NALCN: variants seen among roughly 807,000 people sequenced by gnomAD.
The protein encoded by NALCN is sodium leak channel NALCN.
Under a neutral mutation model 225.3 loss-of-function variants are expected in NALCN, and 111 were observed. That is an observed-to-expected ratio of 0.49 (90% CI 0.42 to 0.58). NALCN has a LOEUF of 0.58. Ranked by LOEUF, NALCN falls within the 20% of genes least tolerant of loss-of-function variation. The pLI, the probability that NALCN is intolerant of heterozygous loss-of-function variation, is 0.00. For synonymous variants in NALCN, 764 were observed against 769.0 expected, an observed-to-expected ratio of 0.99 and a Z score of 0.11; for missense variants, 1,378 against 2,202.4, an observed-to-expected ratio of 0.63 and a Z score of 7.49.
At chr13:101,384,408 G>C (rs2046931009) in intron 3 of NALCN, among the ~76,000 whole-genome samples, 1 of 151,712 alleles carries the variant, frequency 6.6e-6, no homozygotes, top group African/African-American at 2.4e-5. Context: ...TCAACGATAA[G>C]GTAAGAAAGT....
chr13:101,356,988 T>G (rs1487118579), intron 6 of NALCN, among the ~76,000 whole-genome samples: 1 of 152,064 alleles, frequency 6.6e-6, no homozygotes, highest in Non-Finnish European at 1.5e-5. Flanking sequence ...ATTCAACAAC[T>G]CTTCATGTTA....
intron 7 of NALCN, among the ~76,000 whole-genome samples, chr13:101,339,419 G>T (rs2045486200): frequency 6.6e-6 from 1 of 152,212 alleles, no homozygotes; most frequent in Admixed American, 6.5e-5. Context: ...GGATGAGTCA[G>T]TTGGGGGTCC....
At chr13:101,289,698 A>G (rs573902818) in intron 9 of NALCN, among the ~76,000 whole-genome samples, 1 of 152,296 alleles carries the variant, frequency 6.6e-6, no homozygotes, top group African/African-American at 2.4e-5. Flanking sequence ...GAAAGGCAAG[A>G]ATGTACTTCC....
intron 2 of NALCN, among the ~76,000 whole-genome samples, chr13:101,397,366 A>G (rs1365993875): frequency 6.6e-6 from 1 of 150,508 alleles, no homozygotes; most frequent in East Asian, 1.9e-4. Flanking sequence ...GTTCTAGATA[A>G]GACATAATAT....
At chr13:101,335,596 A>C (rs889917872) in intron 7 of NALCN, among the ~76,000 whole-genome samples, 3 of 152,138 alleles carry the variant, frequency 2.0e-5, no homozygotes, top group Non-Finnish European at 4.4e-5. Context: ...CTTTTAGTTG[A>C]ATTCTATTGC....
intron 18 of NALCN, among the ~76,000 whole-genome samples, chr13:101,118,174 G>A (rs1234306823): frequency 6.6e-6 from 1 of 152,008 alleles, no homozygotes; most frequent in African/African-American, 2.4e-5. Context: ...GTGCCTGTGT[G>A]GGGGCAGAAG....
chr13:101,299,331 A>T (rs1450062763), intron 7 of NALCN, among the ~76,000 whole-genome samples: 2 of 152,226 alleles, frequency 1.3e-5, no homozygotes, highest in African/African-American at 2.4e-5. Context: ...ATAAATTAAC[A>T]TATTTTGAAT....
Position 101,062,043 on chromosome 13 carries a change from C to T in NALCN, c.4680G>A (p.Glu1560=), listed in dbSNP as rs781495734. The change falls in exon 41 of 44, where the codon GAG becomes GAA. Residue 1560 remains glutamate, a synonymous_variant. Transcript: ENST00000251127. The part of the protein sequence containing the change: ...LEELLAREQL[E]YTIEEEVAKQ... ...TGGCCACCTCCTCCTCTATGGTGTA[C>T]TCCAGCTGCTCCCTCGCCAGGAGTT... The T allele has an allele frequency of 1.1e-5, 17 of 1,614,050 alleles. No homozygotes were observed. In the Admixed American group the frequency reaches 1.8e-4, roughly 17 times the overall value.
intron 7 of NALCN, among the ~76,000 whole-genome samples, chr13:101,337,686 T>C (rs559872507): frequency 6.6e-6 from 1 of 152,328 alleles, no homozygotes; most frequent in South Asian, 2.1e-4. Flanking sequence ...GATATGCCAC[T>C]ATGGCAGGTC....
chr13:101,327,186 G>T (rs750170211), intron 7 of NALCN, among the ~76,000 whole-genome samples: 32 of 152,246 alleles, frequency 2.1e-4, no homozygotes, highest in Middle Eastern at 3.4e-3. Context: ...ATCCACTAGA[G>T]AAAGTAATCA....
chr13:101,118,901 C>A (rs943272365), intron 18 of NALCN, among the ~76,000 whole-genome samples: 54 of 152,292 alleles, frequency 3.5e-4, no homozygotes, highest in African/African-American at 1.3e-3. Context: ...CTGTAAGGTA[C>A]TCAGGCCCTC....
At chr13:101,232,204 C>T (rs895560412) in intron 12 of NALCN, among the ~76,000 whole-genome samples, 4 of 151,852 alleles carry the variant, frequency 2.6e-5, no homozygotes, top group South Asian at 2.1e-4. Flanking sequence ...CCTGAAACCA[C>T]GTTTACTGCA....
chr13:101,066,505 A>G (rs2032403990), intron 39 of NALCN, among the ~76,000 whole-genome samples: 1 of 152,018 alleles, frequency 6.6e-6, no homozygotes, highest in Non-Finnish European at 1.5e-5. Context: ...TCTTTGAATG[A>G]AAGTGCTGGG....
At chr13:101,386,405 T>C (rs1274244557) in intron 3 of NALCN, among the ~76,000 whole-genome samples, 1 of 152,188 alleles carries the variant, frequency 6.6e-6, no homozygotes, top group Non-Finnish European at 1.5e-5. Context: ...ACAGGAGCTC[T>C]GCTTGGTTTT....
At chr13:101,173,197 C>G (rs545858752) in intron 15 of NALCN, among the ~76,000 whole-genome samples, 1 of 152,194 alleles carries the variant, frequency 6.6e-6, no homozygotes, top group Non-Finnish European at 1.5e-5. Flanking sequence ...CTGCATTCAC[C>G]GCTATTCTCA....
Position 101,057,671 on chromosome 13 carries a change from G to T in NALCN, c.5023+268C>A, listed in dbSNP as rs632842. The T allele has an allele frequency of 0.61, 272,825 of 446,192 alleles. 84,550 individuals are homozygous for T. The highest frequency in any genetic ancestry group is 0.65 in the African/African-American group (32,225 of 49,398). 27.6% of individuals were successfully genotyped at this position (446,192 alleles called of 1,614,324 possible). ...AAGCCCTTGGAAATTTCTCCCTCTT[G>T]CTGAATCTTGTCTTTTTCATAGGTG... On this transcript the variant is annotated intron_variant, in intron 43 of 43. Coordinates refer to ENST00000251127, the MANE Select transcript of NALCN (RefSeq NM_052867.4).
At chr13:101,164,138 G>A (rs192481050) in intron 15 of NALCN, among the ~76,000 whole-genome samples, 5 of 152,254 alleles carry the variant, frequency 3.3e-5, no homozygotes, top group East Asian at 1.9e-4. Flanking sequence ...GGACTGAGGC[G>A]TAGGGCTTCC....
At chr13:101,351,549 A>C (rs1375271268) in intron 6 of NALCN, among the ~76,000 whole-genome samples, 1 of 152,196 alleles carries the variant, frequency 6.6e-6, no homozygotes, top group Non-Finnish European at 1.5e-5. Context: ...CACCACTCCT[A>C]GCGGTGCAGA....
At chr13:101,225,554 T>C (rs925833411) in intron 13 of NALCN, among the ~76,000 whole-genome samples, 1 of 152,302 alleles carries the variant, frequency 6.6e-6, no homozygotes, top group Middle Eastern at 3.4e-3. Flanking sequence ...TTAAAAGATA[T>C]AGCCCAAAGC....
Sources: gnomAD v4.1 joint callset for allele counts (sites outside exome capture counted in the v4.1 genomes callset) on GRCh38, gnomAD v4.1.1 for gene constraint, MANE v1.5 for transcripts, NCBI Gene and HGNC (gene_info 2026-07-23, HGNC 2026-07-21) for gene names.